SMG6: variants seen among roughly 807,000 people sequenced by gnomAD.
The protein encoded by SMG6 is SMG6 nonsense mediated mRNA decay factor.
Under a neutral mutation model 142.2 loss-of-function variants are expected in SMG6, and 66 were observed. The observed-to-expected ratio is 0.46, with a 90% CI of 0.38 to 0.57. The LOEUF is 0.57. SMG6 is among the 20% of genes least tolerant of loss of function. The pLI is 0.00. For synonymous variants in SMG6, 779 were observed against 702.4 expected (o/e 1.11, Z -1.72); for missense variants, 1,793 against 1,832.0 (o/e 0.98, Z 0.39).
intron 13 of SMG6, among the ~76,000 whole-genome samples, chr17:2,102,820 G>A (rs1684173689): frequency 6.6e-6 from 1 of 152,058 alleles, no homozygotes. Flanking sequence ...AGCCTCTGTA[G>A]CCACCATCCT....
At chr17:2,223,432 T>G (rs2073233010) in intron 10 of SMG6, among the ~76,000 whole-genome samples, 1 of 152,172 alleles carries the variant, frequency 6.6e-6, no homozygotes, top group African/African-American at 2.4e-5. Flanking sequence ...AATGCATTCC[T>G]AAATAGACGA....
At chr17:2,286,365 C>G (rs1023006721) in intron 6 of SMG6, among the ~76,000 whole-genome samples, 1 of 146,266 alleles carries the variant, frequency 6.8e-6, no homozygotes, top group Non-Finnish European at 1.5e-5. Flanking sequence ...TTTCTTACCA[C>G]AAACCTACAG....
At chr17:2,112,462 CGT>C (rs962742813) in intron 13 of SMG6, among the ~76,000 whole-genome samples, 1 of 150,736 alleles carries the variant, frequency 6.6e-6, no homozygotes. Flanking sequence ...GAGCCGAGAT[CGT>C]GCCACTGCAC....
intron 2 of SMG6, 99 bp downstream of exon 2, chr17:2,298,807 G>C: frequency 9.1e-7 from 1 of 1,097,630 alleles, no homozygotes; most frequent in African/African-American, 1.6e-5. Flanking sequence ...ATAATACCCA[G>C]TGGCTCAGCT....
chr17:2,198,845 ATCT>A, intron 10 of SMG6, among the ~76,000 whole-genome samples: 1 of 151,258 alleles, frequency 6.6e-6, no homozygotes, highest in East Asian at 1.9e-4. Context: ...CCTTGTTCTC[ATCT>A]TCTGCTGCCT....
intron 10 of SMG6, among the ~76,000 whole-genome samples, chr17:2,204,941 C>A (rs965400527): frequency 1.3e-5 from 2 of 152,148 alleles, no homozygotes; most frequent in Non-Finnish European, 2.9e-5. Context: ...CCAGCCTGGG[C>A]AACAGAGTAA....
intron 10 of SMG6, among the ~76,000 whole-genome samples, chr17:2,202,038 AG>A (rs1223768158): frequency 2.0e-5 from 3 of 151,050 alleles, no homozygotes; most frequent in African/African-American, 7.3e-5. Context: ...GAAAAAAAAA[AG>A]TTAAGTACCA....
At chr17:2,221,217 G>A (rs1199278103) in intron 10 of SMG6, among the ~76,000 whole-genome samples, 2 of 152,160 alleles carry the variant, frequency 1.3e-5, no homozygotes, top group African/African-American at 2.4e-5. Flanking sequence ...TCCAGTGCTG[G>A]AGGTGGGGCC....
intron 13 of SMG6, among the ~76,000 whole-genome samples, chr17:2,150,143 G>A (rs1194637052): frequency 6.6e-6 from 1 of 152,214 alleles, no homozygotes; most frequent in Non-Finnish European, 1.5e-5. Context: ...TCCGCCTCCT[G>A]TCAAGTCAGC....
At chr17:2,073,421 G>A (rs954510435) in intron 15 of SMG6, among the ~76,000 whole-genome samples, 6 of 151,828 alleles carry the variant, frequency 4.0e-5, no homozygotes, top group African/African-American at 2.4e-5. Context: ...AAAGAGACAC[G>A]AGTCTCAGAC....
chr17:2,154,056 A>G (rs372719141), intron 13 of SMG6, among the ~76,000 whole-genome samples: 42 of 78,748 alleles, frequency 5.3e-4, no homozygotes, highest in Middle Eastern at 0.016. Flanking sequence ...GGGGATGCAT[A>G]TAGAGTGTGA....
At chr17:2,238,126 G>A (rs1327892309) in intron 9 of SMG6, among the ~76,000 whole-genome samples, 1 of 152,180 alleles carries the variant, frequency 6.6e-6, no homozygotes, top group Non-Finnish European at 1.5e-5. Context: ...AAAACTCCAG[G>A]TTTTCTAGAA....
Position 2,303,731 on chromosome 17 carries a change from G to A in SMG6, c.-11C>T. ...CAGCCCTTCCGCCATCTTCGCGGCTGCTGCTACAGCCGTAGCGGCTCCGCC... is the reference window on the plus strand; with the variant it reads ...CAGCCCTTCCGCCATCTTCGCGGCTACTGCTACAGCCGTAGCGGCTCCGCC... On this transcript the variant is annotated 5_prime_UTR_variant, in exon 1 of 19. Transcript: ENST00000263073. 2 of 1,490,450 alleles carry A rather than the reference G, an allele frequency of 1.3e-6. No homozygotes were observed. The highest frequency in any genetic ancestry group is 8.9e-7 in the Non-Finnish European group (1 of 1,126,548). 92.3% of individuals were successfully genotyped at this position (1,490,450 alleles called of 1,614,324 possible).
Position 2,296,746 on chromosome 17 carries a change from C to A in SMG6, c.2151+497G>T, listed in dbSNP as rs182820607. ...CGGTGGCTCATGCCTGCAATCCCAG[C>A]ACTTTGGGAGGCTGAGGCGGGTGGC... is the stretch of plus-strand genomic sequence containing the variant. On this transcript the variant is annotated intron_variant, in intron 4 of 18. Transcript: ENST00000263073. Among the ~76,000 whole-genome samples, 4 of 152,274 alleles carry A rather than the reference C, an allele frequency of 2.6e-5. No individual in the cohort carries two copies. In the South Asian group the frequency reaches 6.2e-4, roughly 24 times the overall value.
Position 2,068,470 on chromosome 17 carries a change from C to T in SMG6, c.3835+308G>A, listed in dbSNP as rs895887469. 1.3e-5 allele frequency among the ~76,000 whole-genome samples: 2 copies of T among 152,240 alleles called. No individual in the cohort carries two copies. Among genetic ancestry groups the T allele is most frequent in the South Asian group, 4.1e-4 (2 of 4,834 alleles). On this transcript the variant is annotated intron_variant, in intron 16 of 18. Coordinates refer to ENST00000263073, the MANE Select transcript of SMG6 (RefSeq NM_017575.5). This position sits in a 1 kb window ranked among gnomAD's most constrained non-coding sequence, Gnocchi z 6.7. ...GCTGAGTGTTTACCAATAACGGGAA[C>T]CAGCTTTGCTGTTTTACTGCAAGCT...
Position 2,154,556 on chromosome 17 carries a change from C to T in SMG6, c.3357+18102G>A, listed in dbSNP as rs1330884371. Among the ~76,000 whole-genome samples, 6 of 152,242 alleles carry T rather than the reference C, an allele frequency of 3.9e-5. No homozygotes were observed. The East Asian group carries it at 1.2e-3, about 29-fold the overall frequency. On this transcript the variant is annotated intron_variant, in intron 13 of 18. Transcript: ENST00000263073. The stretch of plus-strand genomic sequence containing the variant: ...ATGAAATCTCAGCCTGGTATTCCTC[C>T]TCCCTTTACATGTCCTGTTTCACTT...
At chr17:2,121,640 TGTGTGTAG>T (rs1410453166) in intron 13 of SMG6, among the ~76,000 whole-genome samples, 1 of 98,662 alleles carries the variant, frequency 1.0e-5, no homozygotes, top group East Asian at 3.3e-4. Flanking sequence ...TGTGTGTGTG[TGTGTGTAG>T]AGAGAGAGAG....
rs143690170 is a variant in SMG6 at position 2,299,678 on chromosome 17, T to C, written c.1075A>G (p.Met359Val). The change falls in exon 2 of 19, where the codon ATG (methionine) becomes GTG (valine). Residue 359 changes from methionine to valine, a missense_variant. Transcript: ENST00000263073. This position sits in a 1 kb window ranked among gnomAD's most constrained non-coding sequence, Gnocchi z 4.3. ...TLRVTFDAEA[M>V]NKESPMVRSA... ...CTCACCATGGGAGACTCTTTGTTCA[T>C]GGCTTCTGCATCGAAAGTGACACGA... 114 of 1,614,126 alleles carry C rather than the reference T, an allele frequency of 7.1e-5. No homozygotes were observed. In the African/African-American group the frequency reaches 1.4e-3, roughly 20 times the overall value.
intron 13 of SMG6, among the ~76,000 whole-genome samples, chr17:2,153,783 A>T (rs1198315878): frequency 1.1e-5 from 1 of 91,558 alleles, no homozygotes; most frequent in Non-Finnish European, 2.1e-5. Flanking sequence ...AAACCTGGGG[A>T]TGCACGTAGA....
Sources: allele counts gnomAD v4.1 joint callset (sites outside exome capture counted in the v4.1 genomes callset), GRCh38; gene constraint gnomAD v4.1.1; non-coding constraint Gnocchi (gnomAD v3.1); transcripts MANE v1.5; gene names NCBI Gene and HGNC (gene_info 2026-07-23, HGNC 2026-07-21).